ZPBP: variants seen among roughly 807,000 people sequenced by gnomAD.
The protein encoded by ZPBP is zona pellucida-binding protein 1.
ZPBP carries 26 observed loss-of-function variants against 44.8 expected under a neutral mutation model. The observed-to-expected ratio is 0.58, with a 90% confidence interval of 0.43 to 0.81. The LOEUF (loss-of-function observed/expected upper bound fraction) is 0.81. Among genes scored for constraint, ZPBP ranks in the 30% least tolerant of loss-of-function variants. The pLI is 0.00. For missense variants in ZPBP, 409 were observed against 434.0 expected, an observed-to-expected ratio of 0.94 and a Z score of 0.51; for synonymous variants, 174 against 153.2, an observed-to-expected ratio of 1.14 and a Z score of -1.00.
chr7:50,031,146 G>T lies in ZPBP; in HGVS notation c.652C>A (p.Arg218Ser), dbSNP rs765096033. The T allele has an allele frequency of 1.2e-6, 2 of 1,613,548 alleles. No individual in the cohort carries two copies. Among genetic ancestry groups the T allele is most frequent in the Admixed American group, 1.7e-5 (1 of 59,980 alleles). ...EISLLKSECH[R>S]VKMQRAGLQN... ...AAACCAGCTCTTTGCATTTTAACGC[G>T]ATGGCATTCAGACTTAAGTAAGGAA... The change falls in exon 5 of 8, where the codon CGC becomes AGC. Residue 218 changes from arginine (R) to serine (S), a missense_variant. Coordinates refer to ENST00000046087, the MANE Select transcript of ZPBP (RefSeq NM_007009.3).
At chr7:49,855,733 C>G (rs1790391736) in intron 2 of ZPBP, among the ~76,000 whole-genome samples, 1 of 152,156 alleles carries the variant, frequency 6.6e-6, no homozygotes, top group South Asian at 2.1e-4. Flanking sequence ...GGGGCCAGTT[C>G]AGTGCTTGGC....
intron 1 of ZPBP, chr7:49,912,785 C>T (rs1389301363): frequency 6.6e-6 from 1 of 152,342 alleles, no homozygotes. Context: ...CATTCTCAGT[C>T]ACTTGTGAAA....
intron 2 of ZPBP, among the ~76,000 whole-genome samples, chr7:49,874,904 G>A (rs1361474155): frequency 6.6e-6 from 1 of 152,126 alleles, no homozygotes; most frequent in African/African-American, 2.4e-5. Flanking sequence ...ATTTGTATGA[G>A]AGAGTGAGAT....
chr7:49,977,559 A>G (rs1223371221), intron 7 of ZPBP, among the ~76,000 whole-genome samples: 1 of 152,214 alleles, frequency 6.6e-6, no homozygotes, highest in Admixed American at 6.5e-5. Flanking sequence ...CCTGCAACCT[A>G]ATCATTTCTG....
At chr7:49,930,256 C>A (rs1794402006) in intron 1 of ZPBP, among the ~76,000 whole-genome samples, 1 of 152,176 alleles carries the variant, frequency 6.6e-6, no homozygotes, top group Non-Finnish European at 1.5e-5. Flanking sequence ...CCCTCAGGAT[C>A]TTGCCACAAA....
chr7:50,037,465 G>A (rs1314568891), intron 4 of ZPBP, among the ~76,000 whole-genome samples: 1 of 152,206 alleles, frequency 6.6e-6, no homozygotes, highest in Non-Finnish European at 1.5e-5. Context: ...AAGCATGGCT[G>A]GAAAGCCTCA....
intron 4 of ZPBP, among the ~76,000 whole-genome samples, chr7:50,033,459 TA>T (rs901740363): frequency 6.6e-6 from 1 of 152,012 alleles, no homozygotes; most frequent in Non-Finnish European, 1.5e-5. Flanking sequence ...TTGTGGTAAG[TA>T]AAAAAATATC....
chr7:50,068,727 T>C (rs1584163814), intron 3 of ZPBP, among the ~76,000 whole-genome samples: 1 of 152,222 alleles, frequency 6.6e-6, no homozygotes, highest in Admixed American at 6.5e-5. Context: ...TTCACACCTA[T>C]GGAGCTTCTA....
At chr7:49,946,312 T>C (rs1028288884) in intron 7 of ZPBP, among the ~76,000 whole-genome samples, 1 of 152,154 alleles carries the variant, frequency 6.6e-6, no homozygotes, top group East Asian at 1.9e-4. Flanking sequence ...GATTTCTTAT[T>C]GTTCATTAAC....
chr7:49,964,268 A>T (rs559273947), intron 7 of ZPBP, among the ~76,000 whole-genome samples: 1 of 152,096 alleles, frequency 6.6e-6, no homozygotes, highest in Non-Finnish European at 1.5e-5. Context: ...ATTTATATTA[A>T]ATATTTACTT....
At chr7:50,004,934 C>T (rs957347159) in intron 6 of ZPBP, among the ~76,000 whole-genome samples, 1 of 150,262 alleles carries the variant, frequency 6.7e-6, no homozygotes, top group East Asian at 2.0e-4. Context: ...GAAATGGCCA[C>T]AAAAATACAT....
intron 1 of ZPBP, chr7:49,917,965 T>C (rs1793812562): frequency 6.6e-6 from 1 of 152,182 alleles, no homozygotes; most frequent in African/African-American, 2.4e-5. Flanking sequence ...ATTCTTATAA[T>C]GGAAAAAAGT....
downstream of ZPBP, among the ~76,000 whole-genome samples, chr7:49,932,785 AAGGGTGGGGCC>A (rs528629860): frequency 3.3e-5 from 5 of 152,138 alleles, no homozygotes; most frequent in Non-Finnish European, 5.9e-5. Flanking sequence ...CCCACATATC[AAGGGTGGGGCC>A]AGGTGGGGAT....
At chr7:50,031,763 A>G (rs1799618366) in intron 4 of ZPBP, among the ~76,000 whole-genome samples, 1 of 152,134 alleles carries the variant, frequency 6.6e-6, no homozygotes, top group South Asian at 2.1e-4. Context: ...AATATTCAAA[A>G]ATATATGTTT....
chr7:49,964,431 T>C (rs1795980519), intron 7 of ZPBP, among the ~76,000 whole-genome samples: 1 of 151,980 alleles, frequency 6.6e-6, no homozygotes, highest in Non-Finnish European at 1.5e-5. Flanking sequence ...GTTTAATAGG[T>C]CACAAGAAAC....
intron 7 of ZPBP, among the ~76,000 whole-genome samples, chr7:49,978,085 T>G (rs1796612311): frequency 6.6e-6 from 1 of 151,072 alleles, no homozygotes; most frequent in Non-Finnish European, 1.5e-5. Flanking sequence ...TTTTTTGTTT[T>G]TTTTTTTTTG....
intron 1 of ZPBP, among the ~76,000 whole-genome samples, chr7:49,906,344 T>C (rs914889241): frequency 1.3e-5 from 2 of 151,208 alleles, no homozygotes; most frequent in African/African-American, 4.9e-5. Flanking sequence ...AAATTTTCTC[T>C]TTTTTTTTGA....
chr7:49,945,565 C>G (rs1299579177), intron 7 of ZPBP, among the ~76,000 whole-genome samples: 1 of 151,944 alleles, frequency 6.6e-6, no homozygotes, highest in African/African-American at 2.4e-5. Context: ...TTATTATATC[C>G]TCTTGCTGAA....
chr7:49,945,437 T>C (rs1795065776), intron 7 of ZPBP, among the ~76,000 whole-genome samples: 1 of 152,118 alleles, frequency 6.6e-6, no homozygotes, highest in Admixed American at 6.6e-5. Flanking sequence ...AATGCTGCAC[T>C]GAAAGTAGGG....
Sources: allele counts gnomAD v4.1 joint callset (sites outside exome capture counted in the v4.1 genomes callset), GRCh38; gene constraint gnomAD v4.1.1; transcripts MANE v1.5; gene names NCBI Gene and HGNC (gene_info 2026-07-23, HGNC 2026-07-21).